The following PCDHA7 variants were observed in gnomAD, a reference collection of about 807,000 sequenced individuals.
PCDHA7 encodes protocadherin alpha-7.
PCDHA7 carries 37 observed loss-of-function variants against 57.2 expected under a neutral mutation model. The ratio of observed to expected loss-of-function variants is 0.65; its 90% CI spans 0.50 to 0.85. The LOEUF (loss-of-function observed/expected upper bound fraction) is 0.85. Among genes scored for constraint, PCDHA7 ranks in the 40% least tolerant of loss-of-function variants. The pLI is 0.00. For missense variants in PCDHA7, 1,188 were observed against 1,241.8 expected (o/e 0.96, Z 0.65); for synonymous variants, 553 against 558.8 (o/e 0.99, Z 0.15).
intron 1 of PCDHA7, chr5:140,858,353 G>A (rs782457995): frequency 6.3e-7 from 1 of 1,593,918 alleles, no homozygotes; most frequent in Non-Finnish European, 8.6e-7. Context: ...GGACCTCATG[G>A]CCTTCAGCCC....
At chr5:140,976,742 AC>A (rs1170747899) in intron 1 of PCDHA7, among the ~76,000 whole-genome samples, 1 of 151,778 alleles carries the variant, frequency 6.6e-6, no homozygotes, top group Admixed American at 6.6e-5. Context: ...CATTTTAAAA[AC>A]CTCCCAGATG....
Position 140,835,470 on chromosome 5 carries a change from GCC to G in PCDHA7, c.1089_1090del (p.Gln364ThrfsTer9). The G allele has an allele frequency of 6.2e-7, 1 of 1,613,868 alleles. No homozygotes were observed. Among genetic ancestry groups the G allele is most frequent in the Non-Finnish European group, 8.5e-7 (1 of 1,179,858 alleles). On this transcript the variant is annotated frameshift_variant, in exon 1 of 4. Coordinates refer to ENST00000525929, the MANE Select transcript of PCDHA7 (RefSeq NM_018910.3). LOFTEE classifies it high-confidence loss of function. ...TSLSLPIPED[A>X]QPGTVITLIS... ...CCTGTCTCTCCCTATTCCAGAGGAC[GCC>G]CAACCAGGTACCGTCATCACATTGA...
intron 1 of PCDHA7, among the ~76,000 whole-genome samples, chr5:140,952,946 G>A (rs2094822679): frequency 6.6e-6 from 1 of 152,070 alleles, no homozygotes; most frequent in African/African-American, 2.4e-5. Flanking sequence ...AAGAGAGAGA[G>A]AAGGGGGAAG....
chr5:140,858,680 A>G (rs2045557174), intron 1 of PCDHA7: 4 of 623,692 alleles, frequency 6.4e-6, no homozygotes, highest in Non-Finnish European at 1.1e-5. Flanking sequence ...TTCTGAATAC[A>G]CTAATATTTT....
At chr5:140,925,941 G>A (rs1311329302) in intron 1 of PCDHA7, among the ~76,000 whole-genome samples, 2 of 138,504 alleles carry the variant, frequency 1.4e-5, no homozygotes, top group South Asian at 2.1e-4. Flanking sequence ...GAGCCTCTTG[G>A]AGAAGGAGAA....
rs2054518116 is a variant in PCDHA7, at chr5:140,873,832, T to G, written c.2355+37094T>G. Among the ~76,000 whole-genome samples, 4 of 152,260 alleles carry G rather than the reference T, an allele frequency of 2.6e-5. No homozygotes were observed. In the South Asian group the frequency reaches 8.3e-4, roughly 32 times the overall value. On this transcript the variant is annotated intron_variant, in intron 1 of 3. Transcript: ENST00000525929. ...TGCACCACCACTCCTGGCTAATTTT[T>G]GTATTTTTAGTAGAGATGGGTTTTC...
chr5:140,961,326 G>T (rs1450202899), intron 1 of PCDHA7, among the ~76,000 whole-genome samples: 1 of 152,154 alleles, frequency 6.6e-6, no homozygotes, highest in Admixed American at 6.5e-5. Flanking sequence ...TCTGTTTCTT[G>T]AGAGACCAAG....
At chr5:141,005,909 T>C (rs1368661717) in intron 3 of PCDHA7, among the ~76,000 whole-genome samples, 1 of 151,946 alleles carries the variant, frequency 6.6e-6, no homozygotes, top group African/African-American at 2.4e-5. Context: ...ATTGCACCAC[T>C]GCACTTCAGC....
rs201236040 is a variant in PCDHA7, at chr5:140,835,256, C to T, written c.873C>T (p.Ser291=). 72 of 1,606,500 alleles carry T rather than the reference C, an allele frequency of 4.5e-5. No individual in the cohort carries two copies. Among genetic ancestry groups the T allele is most frequent in the Non-Finnish European group, 5.9e-5 (69 of 1,176,848 alleles). The change falls in exon 1 of 4, where the codon TCC becomes TCT. Residue 291 remains serine (S), a synonymous_variant. Coordinates refer to ENST00000525929, the MANE Select transcript of PCDHA7 (RefSeq NM_018910.3). The part of the protein sequence containing the change: ...FSSDVSPDIK[S]KFHMDPLSGA... ...GTGATGTTTCTCCAGATATAAAATCCAAGTTCCACATGGACCCCTTAAGTG... is the reference window on the plus strand; with the variant it reads ...GTGATGTTTCTCCAGATATAAAATCTAAGTTCCACATGGACCCCTTAAGTG...
intron 3 of PCDHA7, among the ~76,000 whole-genome samples, chr5:141,007,707 C>T (rs1027610738): frequency 6.6e-6 from 1 of 152,172 alleles, no homozygotes; most frequent in Non-Finnish European, 1.5e-5. Context: ...CCTCTGCCTC[C>T]CACCACCAGG....
intron 1 of PCDHA7, chr5:140,875,720 T>C (rs1554167893): frequency 1.9e-6 from 3 of 1,614,092 alleles, no homozygotes; most frequent in Non-Finnish European, 1.7e-6. Context: ...CAGAATGGCA[T>C]TTTGTTTGTG....
At position 140,835,531 on chromosome 5, in the gene PCDHA7, G is replaced by C. The variant is rs2150237714; in HGVS notation, c.1148G>C (p.Gly383Ala). ...TTTGACCGAGATTTTGGAGTCAACG[G>C]ACAGGTTACCTGCTCCCTGACGCCC... is the stretch of plus-strand genomic sequence containing the variant. ...SVFDRDFGVN[G>A]QVTCSLTPRV... The change falls in exon 1 of 4, where the codon GGA becomes GCA. Residue 383 changes from glycine to alanine, a missense_variant. Coordinates refer to ENST00000525929, the MANE Select transcript of PCDHA7 (RefSeq NM_018910.3). The C allele has an allele frequency of 6.2e-7, 1 of 1,613,964 alleles. No homozygotes were observed. Among genetic ancestry groups the C allele is most frequent in the Admixed American group, 1.7e-5 (1 of 60,014 alleles).
intron 1 of PCDHA7, chr5:140,875,904 A>G: frequency 1.9e-6 from 3 of 1,614,194 alleles, no homozygotes; most frequent in Non-Finnish European, 2.5e-6. Context: ...CTGTTTCTGA[A>G]TCTGCGCCTC....
At chr5:140,949,694 G>C (rs1447787366) in intron 1 of PCDHA7, among the ~76,000 whole-genome samples, 1 of 151,590 alleles carries the variant, frequency 6.6e-6, no homozygotes, top group Non-Finnish European at 1.5e-5. Context: ...CGTATTGTTG[G>C]ATCTTGCTGT....
At chr5:140,968,877 T>A in intron 1 of PCDHA7, 1 of 1,614,226 alleles carries the variant, frequency 6.2e-7, no homozygotes, top group South Asian at 1.1e-5. Flanking sequence ...TACTCTGAAA[T>A]TACCCTTTAT....
chr5:140,853,842 C>T lies in PCDHA7; in HGVS notation c.2355+17104C>T. On this transcript the variant is annotated intron_variant, in intron 1 of 3. Coordinates refer to ENST00000525929, the MANE Select transcript of PCDHA7 (RefSeq NM_018910.3). ...TTCTCATACAACCGAAATTTTAGATCCATAGCCCTATTTGATACTTGACAG... is the reference window on the plus strand; with the variant it reads ...TTCTCATACAACCGAAATTTTAGATTCATAGCCCTATTTGATACTTGACAG... 7.1e-6 allele frequency: 7 copies of T among 986,448 alleles called. 1 individual carries two copies. The highest frequency in any genetic ancestry group is 8.6e-6 in the Non-Finnish European group (7 of 818,538). The allele number at this position is 986,448 out of a possible 1,614,324, so 61.1% of individuals were successfully genotyped here. A position where few individuals can be genotyped will look rare whatever the true frequency, so the allele number is the denominator to read the frequency against.
intron 1 of PCDHA7, among the ~76,000 whole-genome samples, chr5:140,910,787 T>G (rs566298433): frequency 2.0e-5 from 3 of 152,196 alleles, no homozygotes; most frequent in Non-Finnish European, 4.4e-5. Flanking sequence ...CAACATTAAA[T>G]GCAGAATCCC....
chr5:140,954,487 A>T (rs1585567544), intron 1 of PCDHA7, among the ~76,000 whole-genome samples: 1 of 152,120 alleles, frequency 6.6e-6, no homozygotes, highest in African/African-American at 2.4e-5. Flanking sequence ...AAGATATTTC[A>T]TTGTGGTTTT....
intron 1 of PCDHA7, among the ~76,000 whole-genome samples, chr5:140,973,778 T>C (rs910410874): frequency 3.9e-5 from 6 of 152,256 alleles, no homozygotes; most frequent in African/African-American, 1.4e-4. Context: ...ATATTATAGG[T>C]TGCCTATTGG....
Sources: gnomAD v4.1 joint callset for allele counts (sites outside exome capture counted in the v4.1 genomes callset) on GRCh38, gnomAD v4.1.1 for gene constraint, MANE v1.5 for transcripts, NCBI Gene and HGNC (gene_info 2026-07-23, HGNC 2026-07-21) for gene names.